The following KMT5A variants were observed in gnomAD, a reference collection of about 807,000 sequenced individuals.
The protein encoded by KMT5A is N-lysine methyltransferase KMT5A.
Under a neutral mutation model 40.6 loss-of-function variants are expected in KMT5A, and 6 were observed. The ratio of observed to expected loss-of-function variants is 0.15; its 90% confidence interval spans 0.08 to 0.29. KMT5A has a LOEUF of 0.29. KMT5A is among the 10% of genes least tolerant of loss of function. KMT5A has a pLI of 1.00. For missense variants in KMT5A, 308 were observed against 459.1 expected (o/e 0.67, Z 3.01); for synonymous variants, 153 against 178.8 (o/e 0.86, Z 1.15).
chr12:123,404,832 C>T (rs968771450), intron 6 of KMT5A, 52 bp from the exon 7 acceptor site: 4 of 1,559,154 alleles, frequency 2.6e-6, no homozygotes, highest in Non-Finnish European at 3.5e-6. Context: ...CTGCTGTGCA[C>T]AGTGGCATCC....
chr12:123,389,911 C>T (rs1365200227), intron 2 of KMT5A: 2 of 364,258 alleles, frequency 5.5e-6, no homozygotes, highest in Admixed American at 3.7e-5. Flanking sequence ...TCTGGGGACG[C>T]CCTCCTCCGT....
At chr12:123,399,186 A>G (rs1254091257) in intron 5 of KMT5A, among the ~76,000 whole-genome samples, 1 of 152,264 alleles carries the variant, frequency 6.6e-6, no homozygotes, top group African/African-American at 2.4e-5. Flanking sequence ...CCAGGGCCAG[A>G]TGTGCAAGCA....
At chr12:123,400,296 A>G (rs1044982771) in intron 5 of KMT5A, among the ~76,000 whole-genome samples, 1 of 151,862 alleles carries the variant, frequency 6.6e-6, no homozygotes, top group East Asian at 1.9e-4. Flanking sequence ...CGGCCTCCCA[A>G]AGTGCTGGGA....
At chr12:123,406,938 C>T (rs1878597361) in intron 7 of KMT5A, among the ~76,000 whole-genome samples, 1 of 151,414 alleles carries the variant, frequency 6.6e-6, no homozygotes, top group Admixed American at 6.6e-5. Context: ...ATTGCCTTAC[C>T]CCGGGAGGCA....
At position 123,384,242 on chromosome 12, in the gene KMT5A, G is replaced by C. The variant is rs1368061641; in HGVS notation, c.10+34G>C. The C allele has an allele frequency of 6.2e-7, 1 of 1,610,878 alleles. No individual in the cohort carries two copies. Among genetic ancestry groups the C allele is most frequent in the Non-Finnish European group, 8.5e-7 (1 of 1,178,998 alleles). ...CCAAGTGGCCGGCACCGGAGCGGCT[G>C]GGTCGGGGGTCGTGCTGGAGGGGTT... On this transcript the variant is annotated intron_variant, in intron 1 of 7. Coordinates refer to ENST00000402868, the MANE Select transcript of KMT5A (RefSeq NM_020382.7). The surrounding 1 kb of genome is among the most constrained non-coding windows in gnomAD (Gnocchi z 5.7).
At chr12:123,397,892 C>T (rs1035929422) in intron 5 of KMT5A, among the ~76,000 whole-genome samples, 18 of 150,460 alleles carry the variant, frequency 1.2e-4, no homozygotes, top group African/African-American at 3.7e-4. Flanking sequence ...AGGCTGGTCT[C>T]GAACTCTCGA....
intron 7 of KMT5A, among the ~76,000 whole-genome samples, chr12:123,406,802 G>A (rs1458936638): frequency 6.6e-6 from 1 of 151,868 alleles, no homozygotes; most frequent in Non-Finnish European, 1.5e-5. Flanking sequence ...CGAGGTGGAT[G>A]GATCATGAAG....
intron 5 of KMT5A, among the ~76,000 whole-genome samples, chr12:123,398,088 G>T (rs1215261302): frequency 5.3e-5 from 8 of 151,932 alleles, no homozygotes; most frequent in African/African-American, 1.9e-4. Context: ...TTCGAGACCA[G>T]CCTGGCCAAC....
chr12:123,408,210 AT>A lies in KMT5A; in HGVS notation c.*513del, dbSNP rs1189580011. 1 of 153,156 alleles carries A rather than the reference AT, an allele frequency of 6.5e-6. No homozygotes were observed. The highest frequency in any genetic ancestry group is 1.5e-5 in the Non-Finnish European group (1 of 68,456). 9.5% of individuals were successfully genotyped at this position (153,156 alleles called of 1,614,324 possible). On this transcript the variant is annotated 3_prime_UTR_variant, in exon 8 of 8. Coordinates refer to ENST00000402868, the MANE Select transcript of KMT5A (RefSeq NM_020382.7). ...CAGGCGCTCACTGAAGTGTATGAAT[AT>A]TTTTTAAAAAGGTTTTTGCAGTAAG...
Position 123,403,714 on chromosome 12 carries a change from C to T in KMT5A, c.657+82C>T. ...CTGGTCCCGTGGCTGAGAGTGGCCA[C>T]CATGTGGCTTTCACCCTCTAATGGC... On this transcript the variant is annotated intron_variant, in intron 6 of 7. Coordinates refer to ENST00000402868, the MANE Select transcript of KMT5A (RefSeq NM_020382.7). The T allele has an allele frequency of 2.6e-6, 4 of 1,535,080 alleles. 1 individual carries two copies. Among genetic ancestry groups the T allele is most frequent in the South Asian group, 2.3e-5 (2 of 88,822 alleles).
intron 6 of KMT5A, among the ~76,000 whole-genome samples, chr12:123,404,310 C>T (rs1878380738): frequency 6.6e-6 from 1 of 152,146 alleles, no homozygotes; most frequent in South Asian, 2.1e-4. Context: ...TCCACTTCCA[C>T]CCACCACCTA....
chr12:123,393,175 C>T (rs182851528), intron 3 of KMT5A, among the ~76,000 whole-genome samples: 383 of 152,216 alleles, frequency 2.5e-3, no homozygotes, highest in Admixed American at 3.7e-3. Flanking sequence ...CTGTGCCCGG[C>T]CTAATGTATT....
intron 2 of KMT5A, 72 bp downstream of exon 2, chr12:123,389,626 C>A (rs1390830162): frequency 5.9e-6 from 6 of 1,014,930 alleles, no homozygotes; most frequent in Non-Finnish European, 7.1e-6. Flanking sequence ...TGGGCGACCC[C>A]GGGTACCCGC....
Position 123,384,794 on chromosome 12 carries a change from G to C in KMT5A, c.10+586G>C, listed in dbSNP as rs1355838171. Among the ~76,000 whole-genome samples, 4 of 152,230 alleles carry C rather than the reference G, an allele frequency of 2.6e-5. No individual in the cohort carries two copies. On this transcript the variant is annotated intron_variant, in intron 1 of 7. Coordinates refer to ENST00000402868, the MANE Select transcript of KMT5A (RefSeq NM_020382.7). This position sits in a 1 kb window ranked among gnomAD's most constrained non-coding sequence, Gnocchi z 5.7. ...AACGGGTTCCTGGCATCTCGCGGGCGCGGTCGTTCGCCCCGCATCTGGTCA... is the reference window on the plus strand; with the variant it reads ...AACGGGTTCCTGGCATCTCGCGGGCCCGGTCGTTCGCCCCGCATCTGGTCA...
At chr12:123,388,747 CGGGCTGGCGGGA>C (rs1283077344) in intron 1 of KMT5A, 1 of 85,448 alleles carries the variant, frequency 1.2e-5, no homozygotes, top group African/African-American at 4.5e-5. Flanking sequence ...AGGAGCCGGG[CGGGCTGGCGGGA>C]GGGCGGGCGG....
chr12:123,405,764 A>G (rs1454639778), intron 7 of KMT5A, among the ~76,000 whole-genome samples: 13 of 150,400 alleles, frequency 8.6e-5, no homozygotes, highest in African/African-American at 3.2e-4. Context: ...TGCCTGCCTT[A>G]GCCTCCCAAA....
At chr12:123,393,302 GTC>G (rs1877449145) in intron 3 of KMT5A, among the ~76,000 whole-genome samples, 1 of 152,166 alleles carries the variant, frequency 6.6e-6, no homozygotes, top group Admixed American at 6.5e-5. Context: ...CATTACCACA[GTC>G]TAATTCCAGA....
In KMT5A at chr12:123,384,248, G is replaced by A. The variant is rs775694835; in HGVS notation, c.10+40G>A. ...GGCCGGCACCGGAGCGGCTGGGTCG[G>A]GGGTCGTGCTGGAGGGGTTGCCGGG... is the stretch of plus-strand genomic sequence containing the variant. On this transcript the variant is annotated intron_variant, in intron 1 of 7. Coordinates refer to ENST00000402868, the MANE Select transcript of KMT5A (RefSeq NM_020382.7). The surrounding 1 kb of genome is among the most constrained non-coding windows in gnomAD (Gnocchi z 5.7). 4 of 1,610,228 alleles carry A rather than the reference G, an allele frequency of 2.5e-6. No homozygotes were observed. The highest frequency in any genetic ancestry group is 3.4e-6 in the Non-Finnish European group (4 of 1,178,886).
In KMT5A at chr12:123,384,723, C is replaced by T. The variant is rs1298039252; in HGVS notation, c.10+515C>T. ...CTCCCCACGTCCTGAGTCAGCTCTG[C>T]GCCGCTGGAGCGAAGGCCGGGCCCC... On this transcript the variant is annotated intron_variant, in intron 1 of 7. Transcript: ENST00000402868. This position sits in a 1 kb window ranked among gnomAD's most constrained non-coding sequence, Gnocchi z 5.7. Among the ~76,000 whole-genome samples, 2 of 152,224 alleles carry T rather than the reference C, an allele frequency of 1.3e-5. No homozygotes were observed. The highest frequency in any genetic ancestry group is 2.4e-5 in the African/African-American group (1 of 41,466).
Sources: allele counts gnomAD v4.1 joint callset (sites outside exome capture counted in the v4.1 genomes callset), GRCh38; gene constraint gnomAD v4.1.1; non-coding constraint Gnocchi (gnomAD v3.1); transcripts MANE v1.5; gene names NCBI Gene and HGNC (gene_info 2026-07-23, HGNC 2026-07-21).